Variants in OR3A2 observed in about 807,000 individuals in gnomAD.
OR3A2 encodes the protein olfactory receptor 3A2.
For missense variants in OR3A2, 318 were observed against 392.8 expected, an observed-to-expected ratio of 0.81 and a Z score of 1.61; for synonymous variants, 126 against 159.3, an observed-to-expected ratio of 0.79 and a Z score of 1.57.
chr17:3,371,093 A>G (rs230479), intron 2 of OR3A2, among the ~76,000 whole-genome samples: 59,985 of 149,526 alleles, frequency 0.4, 12,282 homozygotes, highest in Admixed American at 0.51. Context: ...CCACAAAACC[A>G]CCATTGTCAT....
chr17:3,343,566 T>A (rs1236144433), intron 2 of OR3A2, among the ~76,000 whole-genome samples: 2 of 152,144 alleles, frequency 1.3e-5, no homozygotes, highest in East Asian at 3.8e-4. Flanking sequence ...AGAAAGAAAC[T>A]AGAAACCATG....
intron 2 of OR3A2, among the ~76,000 whole-genome samples, chr17:3,381,692 G>A (rs574194188): frequency 1.3e-5 from 2 of 152,244 alleles, no homozygotes; most frequent in Admixed American, 1.3e-4. Flanking sequence ...GAAGCTTCCT[G>A]GAGTTTCTCT....
At chr17:3,370,980 G>C (rs943670322) in intron 2 of OR3A2, among the ~76,000 whole-genome samples, 31 of 152,342 alleles carry the variant, frequency 2.0e-4, no homozygotes, top group African/African-American at 7.5e-4. Context: ...ATTTTTCTTA[G>C]TACAGAGCAA....
At chr17:3,382,954 C>T (rs2049750506) in intron 2 of OR3A2, among the ~76,000 whole-genome samples, 1 of 152,182 alleles carries the variant, frequency 6.6e-6, no homozygotes, top group Non-Finnish European at 1.5e-5. Flanking sequence ...CCAATAAAGG[C>T]ACTCAATAAA....
At chr17:3,372,668 A>G (rs1490089811) in intron 2 of OR3A2, among the ~76,000 whole-genome samples, 18 of 152,068 alleles carry the variant, frequency 1.2e-4, no homozygotes, top group Non-Finnish European at 2.4e-4. Flanking sequence ...CCAAAAAAAT[A>G]CGAAAACCAG....
At chr17:3,346,312 G>C (rs1162449297) in intron 2 of OR3A2, among the ~76,000 whole-genome samples, 1 of 152,110 alleles carries the variant, frequency 6.6e-6, no homozygotes, top group African/African-American at 2.4e-5. Flanking sequence ...TTTTGATATA[G>C]GCAGGCAATG....
intron 2 of OR3A2, among the ~76,000 whole-genome samples, chr17:3,358,720 G>C (rs1033694002): frequency 3.3e-5 from 5 of 151,748 alleles, no homozygotes; most frequent in Admixed American, 6.6e-5. Context: ...TTTCGAGTAT[G>C]TGCCATGTGG....
At chr17:3,289,105 G>T (rs77524442), upstream of OR3A2, among the ~76,000 whole-genome samples, 1 of 150,088 alleles carries the variant, frequency 6.7e-6, no homozygotes, top group Non-Finnish European at 1.5e-5. Flanking sequence ...GTTTGTGTGT[G>T]TGAGTGTGTG....
chr17:3,367,355 C>G (rs952877735), intron 2 of OR3A2, among the ~76,000 whole-genome samples: 3 of 152,032 alleles, frequency 2.0e-5, no homozygotes, highest in Admixed American at 6.6e-5. Flanking sequence ...TTTTATCCCT[C>G]ATACCCCTCC....
At chr17:3,285,780 T>C (rs921667944), upstream of OR3A2, among the ~76,000 whole-genome samples, 1 of 151,990 alleles carries the variant, frequency 6.6e-6, no homozygotes, top group African/African-American at 2.4e-5. Flanking sequence ...AGAGTGAGAA[T>C]CCCTCCCAAA....
At chr17:3,309,860 G>T (rs1170266236) in intron 3 of OR3A2, 3 of 173,872 alleles carry the variant, frequency 1.7e-5, no homozygotes, top group Non-Finnish European at 3.7e-5. Context: ...TATGCGGGGG[G>T]TGCAGGGACA....
intron 2 of OR3A2, among the ~76,000 whole-genome samples, chr17:3,337,080 T>A (rs989868311): frequency 3.9e-5 from 6 of 152,180 alleles, no homozygotes; most frequent in African/African-American, 1.4e-4. Context: ...GACATTCAGG[T>A]CCCAGGAAGC....
Position 3,325,203 on chromosome 17 carries a change from A to ATTTT in OR3A2, c.-85+10826_-85+10829dup, listed in dbSNP as rs61124691. On this transcript the variant is annotated intron_variant, in intron 3 of 4. Transcript: ENST00000573491. ...CAGCTTGTGTTCAAAGATCCTTCCA[A>ATTTT]TTTTTTTTTTTTTTTTTTTTTTTGA... 2.2e-3 allele frequency among the ~76,000 whole-genome samples: 240 copies of ATTTT among 108,562 alleles called. 3 individuals carry two copies. Among genetic ancestry groups the ATTTT allele is most frequent in the East Asian group, 7.3e-3 (26 of 3,566 alleles). 71.2% of individuals were successfully genotyped at this position (108,562 alleles called of 152,430 possible).
intron 3 of OR3A2, among the ~76,000 whole-genome samples, chr17:3,335,199 C>T (rs762155699): frequency 6.6e-6 from 1 of 152,156 alleles, no homozygotes; most frequent in Non-Finnish European, 1.5e-5. Context: ...TAGATCTTTA[C>T]ATGGTAAAAA....
chr17:3,301,963 A>C (rs946140630), intron 3 of OR3A2, among the ~76,000 whole-genome samples: 2 of 152,160 alleles, frequency 1.3e-5, no homozygotes, highest in African/African-American at 4.8e-5. Flanking sequence ...ACAAGCAGAG[A>C]GCCAAATCAT....
chr17:3,337,857 T>C (rs1234356583), intron 2 of OR3A2, among the ~76,000 whole-genome samples: 1 of 152,216 alleles, frequency 6.6e-6, no homozygotes, highest in Non-Finnish European at 1.5e-5. Context: ...CATACTGTCT[T>C]CCACAATGGT....
rs535578492 is a variant in OR3A2 at position 3,352,402 on chromosome 17, C to A, written c.-178-16276G>T. 2.8e-4 allele frequency among the ~76,000 whole-genome samples: 42 copies of A among 151,804 alleles called. 1 individual carries two copies. Among genetic ancestry groups the A allele is most frequent in the Admixed American group, 2.8e-3 (42 of 15,236 alleles). Reference sequence around the variant, plus strand: ...ATAGTTTGAGGTCTTCGATTTAAGTCTTTAATCCATTTTGATTTGATTTTT... The same window carrying A: ...ATAGTTTGAGGTCTTCGATTTAAGTATTTAATCCATTTTGATTTGATTTTT... On this transcript the variant is annotated intron_variant, in intron 2 of 4. Coordinates refer to the OR3A2 transcript ENST00000573491.
At chr17:3,358,324 G>T (rs1567566784) in intron 2 of OR3A2, among the ~76,000 whole-genome samples, 1 of 151,376 alleles carries the variant, frequency 6.6e-6, no homozygotes, top group Non-Finnish European at 1.5e-5. Flanking sequence ...GCTAGCTTTG[G>T]GGTTGATTTG....
chr17:3,294,330 A>C (rs1306790925), intron 3 of OR3A2, among the ~76,000 whole-genome samples: 3 of 151,994 alleles, frequency 2.0e-5, no homozygotes, highest in Non-Finnish European at 4.4e-5. Context: ...TTACTATACC[A>C]AAAAAACCAA....
Sources: allele counts gnomAD v4.1 joint callset (sites outside exome capture counted in the v4.1 genomes callset), GRCh38; gene constraint gnomAD v4.1.1; transcripts MANE v1.5; gene names NCBI Gene and HGNC (gene_info 2026-07-23, HGNC 2026-07-21).